Variants in GUCY2F observed in about 807,000 individuals in gnomAD.
The protein encoded by GUCY2F is guanylate cyclase 2F, retinal.
In GUCY2F, 61 loss-of-function variants were observed where a neutral mutation model predicts 73.1. The observed-to-expected ratio is 0.83, with a 90% CI of 0.68 to 1.03. GUCY2F has a LOEUF of 1.03. Ranked by LOEUF, GUCY2F falls within the 50% of genes least tolerant of loss-of-function variation. The pLI, the probability that GUCY2F is intolerant of heterozygous loss-of-function variation, is 0.00. For missense variants in GUCY2F, 912 were observed against 854.3 expected, an observed-to-expected ratio of 1.07 and a Z score of -0.84; for synonymous variants, 331 against 307.8, an observed-to-expected ratio of 1.08 and a Z score of -0.79.
rs757397649 is a variant in GUCY2F, at chrX:109,409,049, A to T, written c.1911T>A (p.Asn637Lys). The change falls in exon 9 of 20, where the codon AAT becomes AAA. Residue 637 changes from asparagine to lysine, a missense_variant. By Grantham distance (94) the Asn-to-Lys change is moderately conservative. Transcript: ENST00000218006. ...SRGSLEDILT[N>K]QDVKLDWMFK... is the part of the protein sequence containing the mutation. ...ACATCCAGTCAAGTTTCACATCTTGATTTGTCAGTATGTCTTCTAGGCTCC... is the reference window on the plus strand; with the variant it reads ...ACATCCAGTCAAGTTTCACATCTTGTTTTGTCAGTATGTCTTCTAGGCTCC... 1.8e-6 allele frequency: 2 copies of T among 1,124,181 alleles called. No individual in the cohort carries two copies. The highest frequency in any genetic ancestry group is 3.6e-5 in the African/African-American group (2 of 55,668). 92.6% of individuals were successfully genotyped at this position (1,124,181 alleles called of 1,213,427 possible). A position where few individuals can be genotyped will look rare whatever the true frequency, so the allele number is the denominator to read the frequency against.
At position 109,395,245 on chromosome X, in the gene GUCY2F, G is replaced by A. The variant is rs1040017410; in HGVS notation, c.2424+96C>T. 38 of 750,356 alleles carry A rather than the reference G, an allele frequency of 5.1e-5. No homozygotes were observed. The African/African-American group carries it at 7.4e-4, about 15-fold the overall frequency. The allele number at this position is 750,356 out of a possible 1,213,427, so 61.8% of individuals were successfully genotyped here. A position where few individuals can be genotyped will look rare whatever the true frequency, so the allele number is the denominator to read the frequency against. On this transcript the variant is annotated intron_variant, in intron 12 of 19. Coordinates refer to ENST00000218006, the MANE Select transcript of GUCY2F (RefSeq NM_001522.3). ...GGAGTGCCCTTACCCCTTGCAAGAG[G>A]TTCCTTCCACAATATGACAAGGACC...
intron 5 of GUCY2F, among the ~76,000 whole-genome samples, chrX:109,449,775 T>C (rs928284384): frequency 8.9e-6 from 1 of 111,881 alleles, no homozygotes; most frequent in African/African-American, 3.2e-5. Context: ...ATCATTATCA[T>C]CATTAGTATA....
At chrX:109,441,223 A>C (rs1931859717) in intron 7 of GUCY2F, 128 bp downstream of exon 7, 2 of 388,644 alleles carry the variant, frequency 5.1e-6, no homozygotes, top group Non-Finnish European at 9.0e-6. Flanking sequence ...CCATAAGCAA[A>C]CACAGACACC....
At chrX:109,392,179 C>A in intron 13 of GUCY2F, 76 bp from the exon 14 acceptor site, 1 of 674,402 alleles carries the variant, frequency 1.5e-6, no homozygotes, top group South Asian at 3.4e-5. Context: ...AAAAATACAC[C>A]AAATAAACCT....
chrX:109,407,875 G>A (rs1272328696), intron 9 of GUCY2F, among the ~76,000 whole-genome samples: 1 of 113,151 alleles, frequency 8.8e-6, no homozygotes, highest in Non-Finnish European at 1.9e-5. Context: ...GGATGCCCAG[G>A]CAAAAGTTTG....
chrX:109,404,537 TTTTAACAC>T, intron 9 of GUCY2F, 53 bp from the exon 10 acceptor site: 1 of 856,462 alleles, frequency 1.2e-6, no homozygotes, highest in Non-Finnish European at 1.7e-6. Flanking sequence ...TATTTTGTGC[TTTTAACAC>T]CAATTTCTGA....
At position 109,481,898 on chromosome X, in the gene GUCY2F, A is replaced by G. The variant is rs1932767441; in HGVS notation, c.-118T>C. 2 of 111,828 alleles carry G rather than the reference A, an allele frequency of 1.8e-5. No individual in the cohort carries two copies. Among genetic ancestry groups the G allele is most frequent in the Admixed American group, 1.9e-4 (2 of 10,589 alleles). 9.2% of individuals were successfully genotyped at this position (111,828 alleles called of 1,213,427 possible). A position where few individuals can be genotyped will look rare whatever the true frequency, so the allele number is the denominator to read the frequency against. On this transcript the variant is annotated 5_prime_UTR_variant, in exon 1 of 20. It removes the in-frame stop codon of an upstream open reading frame in the 5' UTR. Coordinates refer to ENST00000218006, the MANE Select transcript of GUCY2F (RefSeq NM_001522.3). ...TTCACCGCTCAAATGTCTTCAGTTTACTGCCTGCGCATGCAGACCACTGGC... is the reference window on the plus strand; with the variant it reads ...TTCACCGCTCAAATGTCTTCAGTTTGCTGCCTGCGCATGCAGACCACTGGC...
rs757868929 is a variant in GUCY2F at position 109,475,355 on chromosome X, A to T, written c.582T>A (p.Asp194Glu). 8.3e-7 allele frequency: 1 copy of T among 1,211,388 alleles called. No homozygotes were observed. Among genetic ancestry groups the T allele is most frequent in the Non-Finnish European group, 1.1e-6 (1 of 895,086 alleles). The stretch of plus-strand genomic sequence containing the variant: ...TGGCTGTATGCACCCAAATGTCTTC[A>T]TCTGAGGAAATGACTCCAGCATGAG... The part of the protein sequence containing the change: ...QWAHAGVISS[D>E]EDIWVHTANR... The change falls in exon 2 of 20, where the codon GAT becomes GAA. Residue 194 changes from aspartate to glutamate, a missense_variant. Physicochemically the swap from Asp to Glu is conservative, Grantham distance 45 (BLOSUM62 2). Transcript: ENST00000218006.
At chrX:109,408,461 A>G (rs993636072) in intron 9 of GUCY2F, among the ~76,000 whole-genome samples, 5 of 111,918 alleles carry the variant, frequency 4.5e-5, no homozygotes, top group African/African-American at 1.6e-4. Context: ...ACTTTGTGGG[A>G]CTATTGGGAA....
chrX:109,374,498 C>T (rs746968494), intron 19 of GUCY2F, among the ~76,000 whole-genome samples: 2 of 111,999 alleles, frequency 1.8e-5, no homozygotes, highest in South Asian at 7.6e-4. Context: ...AAGTGAGTTG[C>T]AGTATTTTCT....
chrX:109,474,990 A>G (rs1008931420), intron 2 of GUCY2F, among the ~76,000 whole-genome samples: 1 of 112,320 alleles, frequency 8.9e-6, no homozygotes, highest in Non-Finnish European at 1.9e-5. Context: ...TCACAGGCAT[A>G]TGAAGCACAG....
chrX:109,470,363 A>T (rs752047180), intron 2 of GUCY2F, among the ~76,000 whole-genome samples: 1 of 111,853 alleles, frequency 8.9e-6, no homozygotes, highest in Non-Finnish European at 1.9e-5. Context: ...GTGTTACATT[A>T]TACCAAATCC....
chrX:109,429,567 C>T (rs1445348600), intron 8 of GUCY2F, among the ~76,000 whole-genome samples: 1 of 112,230 alleles, frequency 8.9e-6, no homozygotes, highest in Non-Finnish European at 1.9e-5. Flanking sequence ...GCAGTTGCCT[C>T]ATTCAGATTT....
At position 109,450,220 on chromosome X, in the gene GUCY2F, A is replaced by G. The variant is rs143569681; in HGVS notation, c.1472+1803T>C. On this transcript the variant is annotated intron_variant, in intron 5 of 19. Transcript: ENST00000218006. The stretch of plus-strand genomic sequence containing the variant: ...TCTCCAATCATTTTCCTCTCTAATC[A>G]TGTCCCTCTCCAATAATTTTCCTCT... 2.2e-4 allele frequency among the ~76,000 whole-genome samples: 24 copies of G among 111,260 alleles called. No homozygotes were observed. The East Asian group carries it at 6.5e-3, about 30-fold the overall frequency.
chrX:109,392,516 TAAG>T (rs779066895), intron 13 of GUCY2F, among the ~76,000 whole-genome samples: 9 of 112,415 alleles, frequency 8.0e-5, no homozygotes, highest in African/African-American at 2.6e-4. Context: ...TAGCAACAGA[TAAG>T]GTTTTCAGCT....
rs762032757 is a variant in GUCY2F at position 109,382,137 on chromosome X, C to G, written c.3131G>C (p.Arg1044Pro). 1.7e-5 allele frequency: 20 copies of G among 1,172,683 alleles called. No individual in the cohort carries two copies. In the Admixed American group the frequency reaches 3.3e-4, roughly 19 times the overall value. ...TTATACCTTGAGCTCTGTTCTTCCT[C>G]GAAGCTCCACTTCATAGCCCTCACT... ...NLSEGYEVEL[R>P]GRTELKGKGT... Residue 1044 changes from arginine to proline, a missense_variant, in exon 17 of 20, where the codon CGA (arginine) becomes CCA (proline). Physicochemically the swap from Arg to Pro is moderately radical, Grantham distance 103. Transcript: ENST00000218006.
At chrX:109,383,835 T>G (rs1930375212) in intron 16 of GUCY2F, among the ~76,000 whole-genome samples, 1 of 112,381 alleles carries the variant, frequency 8.9e-6, no homozygotes, top group African/African-American at 3.2e-5. Context: ...GAGTTTTCCC[T>G]GGTTCAGACC....
At chrX:109,413,508 G>A (rs755657357) in intron 8 of GUCY2F, among the ~76,000 whole-genome samples, 4 of 109,682 alleles carry the variant, frequency 3.6e-5, no homozygotes, top group South Asian at 4.1e-4. Flanking sequence ...AGGTTCAAGC[G>A]ATTCTCCTGC....
intron 2 of GUCY2F, among the ~76,000 whole-genome samples, chrX:109,474,713 C>T (rs1027467932): frequency 2.7e-5 from 3 of 111,921 alleles, no homozygotes; most frequent in Non-Finnish European, 5.6e-5. Flanking sequence ...ATGGACATTT[C>T]GGAGTCCACA....
Sources: gnomAD v4.1 joint callset for allele counts (sites outside exome capture counted in the v4.1 genomes callset) on GRCh38, gnomAD v4.1.1 for gene constraint, MANE v1.5 for transcripts, NCBI Gene and HGNC (gene_info 2026-07-23, HGNC 2026-07-21) for gene names.